The following COL28A1 variants were observed in gnomAD, a reference collection of about 807,000 sequenced individuals.
The protein encoded by COL28A1 is collagen alpha-1(XXVIII) chain.
Under a neutral mutation model 150.2 loss-of-function variants are expected in COL28A1, and 161 were observed. That is an observed-to-expected ratio of 1.07 (90% confidence interval 0.94 to 1.22). COL28A1 has a LOEUF of 1.22. Ranked by LOEUF, COL28A1 falls within the 50% of genes most tolerant of loss-of-function variation. The pLI, the probability that COL28A1 is intolerant of heterozygous loss-of-function variation, is 0.00. For synonymous variants in COL28A1, 552 were observed against 469.7 expected (o/e 1.18, Z -2.26); for missense variants, 1,617 against 1,388.3 (o/e 1.16, Z -2.62).
At chr7:7,419,863 A>C (rs746348761) in intron 26 of COL28A1, 22 bp downstream of exon 26, 1 of 1,517,974 alleles carries the variant, frequency 6.6e-7, no homozygotes, top group Non-Finnish European at 8.9e-7. Flanking sequence ...CCCTCACACA[A>C]AGCACTGAGC....
intron 30 of COL28A1, among the ~76,000 whole-genome samples, chr7:7,378,688 C>T (rs1459618964): frequency 6.6e-6 from 1 of 152,102 alleles, no homozygotes; most frequent in Non-Finnish European, 1.5e-5. Flanking sequence ...GACAGGCCAC[C>T]TCTAGCTATA....
the COL28A1 span, among the ~76,000 whole-genome samples, chr7:7,345,821 T>C: frequency 3.9e-5 from 6 of 152,110 alleles, no homozygotes; most frequent in Non-Finnish European, 7.4e-5. Flanking sequence ...TGTGGCTATG[T>C]ATGTTTTGGT....
the COL28A1 span, among the ~76,000 whole-genome samples, chr7:7,340,135 T>C: frequency 0.021 from 3,180 of 151,988 alleles, 142 homozygotes; most frequent in African/African-American, 0.073. Flanking sequence ...GTATTACAGG[T>C]GCACACCACC....
At chr7:7,501,458 C>A (rs1780520805) in intron 11 of COL28A1, among the ~76,000 whole-genome samples, 1 of 152,138 alleles carries the variant, frequency 6.6e-6, no homozygotes, top group Non-Finnish European at 1.5e-5. Context: ...TCCCTCCTCC[C>A]AAGGCACAAA....
At chr7:7,339,885 G>C in the COL28A1 span, among the ~76,000 whole-genome samples, 1 of 152,118 alleles carries the variant, frequency 6.6e-6, no homozygotes, top group African/African-American at 2.4e-5. Context: ...TGATGATCAG[G>C]ACTAGAAATA....
intron 15 of COL28A1, among the ~76,000 whole-genome samples, chr7:7,465,239 G>C (rs1787974638): frequency 1.4e-5 from 2 of 148,030 alleles, no homozygotes; most frequent in South Asian, 4.4e-4. Context: ...GCGCCGGCCA[G>C]TGTGTGTGCG....
chr7:7,438,506 G>T (rs988355610), intron 21 of COL28A1, among the ~76,000 whole-genome samples: 13 of 152,240 alleles, frequency 8.5e-5, no homozygotes, highest in African/African-American at 2.9e-4. Flanking sequence ...AGAGGTTGGG[G>T]CCCAGGATTA....
At chr7:7,488,634 A>G (rs1374367522) in intron 13 of COL28A1, among the ~76,000 whole-genome samples, 5 of 152,258 alleles carry the variant, frequency 3.3e-5, no homozygotes, top group African/African-American at 1.2e-4. Flanking sequence ...CTTCAAAACT[A>G]CATAAAAGAG....
downstream of COL28A1, chr7:7,357,762 C>A (rs1780410392): frequency 1.3e-5 from 2 of 151,624 alleles, no homozygotes; most frequent in South Asian, 4.1e-4. Context: ...TATAAAATGA[C>A]AGAGTCAATT....
intron 27 of COL28A1, among the ~76,000 whole-genome samples, chr7:7,405,535 C>T (rs1421776321): frequency 6.6e-6 from 1 of 152,060 alleles, no homozygotes; most frequent in Admixed American, 6.6e-5. Context: ...TAAGAGGTAC[C>T]ATTTAAAGGC....
intron 27 of COL28A1, among the ~76,000 whole-genome samples, chr7:7,399,095 A>G (rs1175643923): frequency 1.3e-5 from 2 of 152,114 alleles, no homozygotes; most frequent in Non-Finnish European, 2.9e-5. Flanking sequence ...ACAGTTTTCC[A>G]TATGCTAGCC....
chr7:7,490,021 T>C (rs1298915541), intron 12 of COL28A1, among the ~76,000 whole-genome samples: 4 of 152,232 alleles, frequency 2.6e-5, no homozygotes, highest in Non-Finnish European at 5.9e-5. Flanking sequence ...ATTTTAATCC[T>C]GCATCAAAGT....
intron 11 of COL28A1, among the ~76,000 whole-genome samples, chr7:7,497,090 GAAGA>G (rs368923642): frequency 0.026 from 2,564 of 96,942 alleles, 35 homozygotes; most frequent in African/African-American, 0.059. Context: ...AGAAAGGAAG[GAAGA>G]AAGGAAGGAA....
chr7:7,482,480 G>A (rs868528761), intron 13 of COL28A1, among the ~76,000 whole-genome samples: 9 of 150,054 alleles, frequency 6.0e-5, no homozygotes, highest in East Asian at 2.0e-4. Flanking sequence ...AGCCAAGATC[G>A]CCCAATTGTG....
At chr7:7,476,494 C>G (rs568541248) in intron 14 of COL28A1, among the ~76,000 whole-genome samples, 11 of 152,152 alleles carry the variant, frequency 7.2e-5, no homozygotes, top group Non-Finnish European at 1.5e-4. Context: ...CAAGCTACAT[C>G]AGCAGTTAAG....
chr7:7,454,396 A>T (rs2128332301), intron 16 of COL28A1, among the ~76,000 whole-genome samples: 1 of 152,342 alleles, frequency 6.6e-6, no homozygotes, highest in South Asian at 2.1e-4. Context: ...TTGTCTTAAA[A>T]GGTAAATAAA....
chr7:7,427,037 A>G (rs1000223905), intron 25 of COL28A1, among the ~76,000 whole-genome samples: 2 of 152,216 alleles, frequency 1.3e-5, no homozygotes, highest in East Asian at 1.9e-4. Flanking sequence ...GGGATTTACC[A>G]TGTGTCTCCA....
intron 25 of COL28A1, among the ~76,000 whole-genome samples, chr7:7,429,484 A>ATGGTGTGTGTG (rs1784831751): frequency 8.7e-6 from 1 of 114,660 alleles, no homozygotes; most frequent in African/African-American, 4.0e-5. Context: ...GGGGGGGGGG[A>ATGGTGTGTGTG]TGGTGTGTGT....
At chr7:7,371,285 A>G (rs1377632127) in intron 32 of COL28A1, among the ~76,000 whole-genome samples, 1 of 152,236 alleles carries the variant, frequency 6.6e-6, no homozygotes, top group African/African-American at 2.4e-5. Context: ...AAGCTCTTCA[A>G]GGATTAAAAT....
Sources: allele counts gnomAD v4.1 joint callset (sites outside exome capture counted in the v4.1 genomes callset), GRCh38; gene constraint gnomAD v4.1.1; transcripts MANE v1.5; gene names NCBI Gene and HGNC (gene_info 2026-07-23, HGNC 2026-07-21).